Variants in CFAP61 observed in about 807,000 individuals in gnomAD.
The protein encoded by CFAP61 is cilia and flagella associated protein 61.
Under a neutral mutation model 135.6 loss-of-function variants are expected in CFAP61, and 107 were observed. That is an observed-to-expected ratio of 0.79 (90% confidence interval 0.67 to 0.93). CFAP61 has a LOEUF of 0.93. Among genes scored for constraint, CFAP61 ranks in the 40% least tolerant of loss-of-function variants. The probability of loss-of-function intolerance (pLI) is 0.00; values close to 1 mark genes in which losing one functional copy is unlikely to be tolerated. For synonymous variants in CFAP61, 575 were observed against 578.5 expected (o/e 0.99, Z 0.09); for missense variants, 1,507 against 1,556.2 (o/e 0.97, Z 0.53).
chr20:20,091,105 C>T, intron 7 of CFAP61, 129 bp downstream of exon 7: 1 of 1,038,226 alleles, frequency 9.6e-7, no homozygotes, highest in Non-Finnish European at 1.5e-6. Context: ...CCTCCCACTG[C>T]CCTTCCAGGT....
At chr20:20,131,795 G>A (rs1325414195) in intron 8 of CFAP61, among the ~76,000 whole-genome samples, 1 of 151,606 alleles carries the variant, frequency 6.6e-6, no homozygotes, top group East Asian at 1.9e-4. Flanking sequence ...CTTGGTCTTA[G>A]CTGCAACCCA....
chr20:20,218,613 A>G (rs2048193919), intron 17 of CFAP61, among the ~76,000 whole-genome samples: 1 of 152,170 alleles, frequency 6.6e-6, no homozygotes, highest in Non-Finnish European at 1.5e-5. Flanking sequence ...TTGTTACACA[A>G]CAGTAGCTTC....
chr20:20,279,660 A>G (rs1359147100), intron 22 of CFAP61, among the ~76,000 whole-genome samples: 1 of 152,172 alleles, frequency 6.6e-6, no homozygotes, highest in African/African-American at 2.4e-5. Flanking sequence ...ATGTTGCCCA[A>G]GGGTCAGCTG....
At chr20:20,257,482 G>T (rs1391474360) in intron 20 of CFAP61, among the ~76,000 whole-genome samples, 2 of 152,018 alleles carry the variant, frequency 1.3e-5, no homozygotes, top group Non-Finnish European at 1.5e-5. Context: ...AGGTGTGGTG[G>T]CAGGGTCTTG....
At chr20:20,214,115 T>A (rs1232753912) in intron 17 of CFAP61, among the ~76,000 whole-genome samples, 3 of 152,138 alleles carry the variant, frequency 2.0e-5, no homozygotes, top group Non-Finnish European at 4.4e-5. Context: ...AATTAATTAG[T>A]GACAGATGGA....
chr20:20,327,799 A>AAAAAAAAAAAAAAAAAAAAC (rs2057816061), intron 25 of CFAP61, among the ~76,000 whole-genome samples: 1 of 53,732 alleles, frequency 1.9e-5, no homozygotes, highest in African/African-American at 9.5e-5. Flanking sequence ...AAAAAAAAAA[A>AAAAAAAAAAAAAAAAAAAAC]AAAAAACAGA....
In CFAP61 at chr20:20,263,077, A is replaced by C. The variant is rs1404997976; in HGVS notation, c.2450A>C (p.Glu817Ala). The change falls in exon 21 of 27, where the codon GAG becomes GCG. Residue 817 changes from glutamate (E) to alanine (A), a missense_variant. Physicochemically the swap from Glu to Ala is moderately radical, Grantham distance 107. Coordinates refer to ENST00000245957, the MANE Select transcript of CFAP61 (RefSeq NM_015585.4). ...AACCATTTCACTCTCAACGAGGAAG[A>C]GGATTGCTTTAAGGCACTGATTTGG... ...PCNHFTLNEE[E>A]DCFKALIWIR... The C allele has an allele frequency of 6.2e-7, 1 of 1,614,132 alleles. No homozygotes were observed. The highest frequency in any genetic ancestry group is 1.1e-5 in the South Asian group (1 of 91,082).
chr20:20,098,905 T>C, intron 8 of CFAP61, 91 bp downstream of exon 8: 1 of 1,171,536 alleles, frequency 8.5e-7, no homozygotes, highest in Non-Finnish European at 1.2e-6. Context: ...CTAGATAGGA[T>C]GCTTTATATT....
intron 26 of CFAP61, among the ~76,000 whole-genome samples, chr20:20,350,360 G>A (rs2058787905): frequency 6.6e-6 from 1 of 152,222 alleles, no homozygotes; most frequent in African/African-American, 2.4e-5. Context: ...CAGACGTGGT[G>A]GTTCACACCT....
intron 8 of CFAP61, among the ~76,000 whole-genome samples, chr20:20,122,115 C>G (rs2049694549): frequency 6.6e-6 from 1 of 151,262 alleles, no homozygotes; most frequent in African/African-American, 2.4e-5. Flanking sequence ...CAGCTTTCCC[C>G]CCAAGTCCCC....
rs951568438 is a variant in CFAP61 at position 20,360,355 on chromosome 20, A to G, written c.3659A>G (p.Tyr1220Cys). ...CTGGTGGAGAGAAGCACTCTTGACT[A>G]CCTGCACTATAACCGCTACCACCTG... The part of the protein sequence containing the change: ...KTLVERSTLD[Y>C]LHYNRYHLPM... The change falls in exon 27 of 27, where the codon TAC (tyrosine) becomes TGC (cysteine). Residue 1220 changes from tyrosine to cysteine, a missense_variant. Tyr to Cys is a radical substitution (Grantham distance 194, BLOSUM62 -2). Transcript: ENST00000245957. The G allele has an allele frequency of 3.7e-6, 6 of 1,613,746 alleles. No individual in the cohort carries two copies. The African/African-American group carries it at 8.0e-5, about 22-fold the overall frequency.
Position 20,290,395 on chromosome 20 carries a change from A to C in CFAP61, c.3216+4A>C. The C allele has an allele frequency of 6.4e-7, 1 of 1,568,056 alleles. No individual in the cohort carries two copies. The highest frequency in any genetic ancestry group is 8.8e-7 in the Non-Finnish European group (1 of 1,138,436). On this transcript the variant is annotated splice_donor_region_variant and intron_variant, in intron 24 of 26. Transcript: ENST00000245957. ...ACAAATGGCACAGCCTAATTATGTA[A>C]GTATTATTTCTGAATTTCATTTTAC...
At chr20:20,336,755 G>A (rs1251111007) in intron 25 of CFAP61, among the ~76,000 whole-genome samples, 1 of 152,208 alleles carries the variant, frequency 6.6e-6, no homozygotes, top group East Asian at 1.9e-4. Context: ...GGATGAAGCT[G>A]CAGAGAGGAC....
chr20:20,306,177 C>A (rs752534639), intron 25 of CFAP61, among the ~76,000 whole-genome samples: 1 of 152,198 alleles, frequency 6.6e-6, no homozygotes, highest in African/African-American at 2.4e-5. Flanking sequence ...CCTGAAATTA[C>A]AGCCAGCACA....
intron 9 of CFAP61, among the ~76,000 whole-genome samples, chr20:20,152,002 A>C (rs1433806982): frequency 6.6e-6 from 1 of 152,138 alleles, no homozygotes; most frequent in Non-Finnish European, 1.5e-5. Context: ...AAAACGTATC[A>C]GATTTACAGC....
At chr20:20,199,583 A>G (rs1463872072) in intron 16 of CFAP61, among the ~76,000 whole-genome samples, 185 bp from the exon 17 acceptor site, 2 of 152,042 alleles carry the variant, frequency 1.3e-5, no homozygotes, top group Admixed American at 1.3e-4. Flanking sequence ...TATCTTCATT[A>G]GTGTCAGGCA....
intron 9 of CFAP61, among the ~76,000 whole-genome samples, chr20:20,155,415 G>T (rs1056427790): frequency 6.6e-5 from 10 of 151,886 alleles, no homozygotes; most frequent in Non-Finnish European, 1.5e-4. Context: ...AAGATAAATA[G>T]ATGGGACCTA....
intron 25 of CFAP61, among the ~76,000 whole-genome samples, chr20:20,304,337 C>A (rs1396799622): frequency 6.9e-6 from 1 of 144,482 alleles, no homozygotes; most frequent in Non-Finnish European, 1.5e-5. Flanking sequence ...AGAATTTGAT[C>A]AATGGATTGA....
chr20:20,107,974 A>G (rs764479802), intron 8 of CFAP61, among the ~76,000 whole-genome samples: 1 of 152,182 alleles, frequency 6.6e-6, no homozygotes, highest in African/African-American at 2.4e-5. Flanking sequence ...AATATTCTAA[A>G]ATAAAGAGAA....
Sources: gnomAD v4.1 joint callset for allele counts (sites outside exome capture counted in the v4.1 genomes callset) on GRCh38, gnomAD v4.1.1 for gene constraint, MANE v1.5 for transcripts, NCBI Gene and HGNC (gene_info 2026-07-23, HGNC 2026-07-21) for gene names.